Variants in GML observed in about 807,000 individuals in gnomAD.
GML encodes the protein glycosyl-phosphatidylinositol-anchored molecule-like protein.
GML carries 5 observed loss-of-function variants against 8.2 expected under a neutral mutation model. The observed-to-expected ratio is 0.61, with a 90% CI of 0.32 to 1.28. The LOEUF (loss-of-function observed/expected upper bound fraction) is 1.28, where lower values mean the gene tolerates loss of function less well. GML is among the 50% of genes most tolerant of loss of function. The pLI, the probability that GML is intolerant of heterozygous loss-of-function variation, is 0.06. For missense variants in GML, 191 were observed against 198.3 expected, an observed-to-expected ratio of 0.96 and a Z score of 0.22; for synonymous variants, 72 against 69.0, an observed-to-expected ratio of 1.04 and a Z score of -0.22.
At chr8:142,840,751 C>G (rs1269940500) in intron 2 of GML, among the ~76,000 whole-genome samples, 3 of 152,164 alleles carry the variant, frequency 2.0e-5, no homozygotes, top group Non-Finnish European at 4.4e-5. Flanking sequence ...CCTTCTCCAT[C>G]AGCGCCAGGC....
At chr8:142,841,465 C>T (rs529771872) in intron 3 of GML, among the ~76,000 whole-genome samples, 2 of 152,304 alleles carry the variant, frequency 1.3e-5, no homozygotes, top group South Asian at 2.1e-4. Context: ...ACATCTGCAG[C>T]GTCTCCAGGG....
chr8:142,841,872 C>T (rs1253049896), intron 3 of GML, among the ~76,000 whole-genome samples: 1 of 152,218 alleles, frequency 6.6e-6, no homozygotes, highest in African/African-American at 2.4e-5. Context: ...GGGCTCTGCT[C>T]AGGGCCTTTC....
chr8:142,844,211 C>A (rs193159439), intron 3 of GML, among the ~76,000 whole-genome samples: 34 of 152,300 alleles, frequency 2.2e-4, no homozygotes, highest in Non-Finnish European at 4.6e-4. Context: ...GTTGACCCTG[C>A]AGTGCAGTAG....
chr8:142,836,448 T>C (rs1017464537), intron 1 of GML, among the ~76,000 whole-genome samples: 1 of 152,236 alleles, frequency 6.6e-6, no homozygotes, highest in Non-Finnish European at 1.5e-5. Context: ...TTTTCATCTT[T>C]AAAAAATCAA....
intron 3 of GML, among the ~76,000 whole-genome samples, chr8:142,845,684 G>A (rs1816494571): frequency 6.6e-6 from 1 of 152,194 alleles, no homozygotes; most frequent in East Asian, 1.9e-4. Context: ...TGGTCAGGTG[G>A]CATTGGTCAG....
intron 1 of GML, among the ~76,000 whole-genome samples, chr8:142,836,148 A>G (rs1025710403): frequency 6.6e-6 from 1 of 152,066 alleles, no homozygotes; most frequent in Non-Finnish European, 1.5e-5. Flanking sequence ...GGTCTTGGAA[A>G]CCCTTGATTT....
chr8:142,836,797 G>T (rs925683678), intron 1 of GML, among the ~76,000 whole-genome samples: 1 of 152,158 alleles, frequency 6.6e-6, no homozygotes, highest in African/African-American at 2.4e-5. Flanking sequence ...GGCTGCCTCT[G>T]GAGCCGGCCC....
At chr8:142,836,409 C>T (rs1375686554) in intron 1 of GML, among the ~76,000 whole-genome samples, 1 of 152,216 alleles carries the variant, frequency 6.6e-6, no homozygotes, top group African/African-American at 2.4e-5. Flanking sequence ...TTATTTCTGC[C>T]TCTTACACAT....
In GML at chr8:142,846,633, G is replaced by T; in HGVS notation, c.420G>T (p.Gly140=). 1.2e-6 allele frequency: 2 copies of T among 1,613,996 alleles called. No homozygotes were observed. Among genetic ancestry groups the T allele is most frequent in the Non-Finnish European group, 1.7e-6 (2 of 1,179,934 alleles). ...TTCCAGAAGGAACTGTGAGGCTGGGGGTATCAAAACTGTTGCTGAGTTTTG... is the reference window on the plus strand; with the variant it reads ...TTCCAGAAGGAACTGTGAGGCTGGGTGTATCAAAACTGTTGCTGAGTTTTG... ...EELPEGTVRL[G]VSKLLLSFAS... is the part of the protein sequence containing the mutation. The change falls in exon 4 of 4, where the codon GGG becomes GGT. Residue 140 remains glycine (G), a synonymous_variant. Transcript: ENST00000220940.
intron 1 of GML, 53 bp from the exon 2 acceptor site, chr8:142,840,363 T>A: frequency 8.7e-7 from 1 of 1,147,568 alleles, no homozygotes; most frequent in Non-Finnish European, 1.3e-6. Context: ...GGCATAGAGC[T>A]GGCCAAGGAG....
rs1368815541 is a variant in GML at position 142,834,864 on chromosome 8, C to T, written c.-27C>T. 1 of 152,476 alleles carries T rather than the reference C, an allele frequency of 6.6e-6. No individual in the cohort carries two copies. The highest frequency in any genetic ancestry group is 1.5e-5 in the Non-Finnish European group (1 of 68,260). 9.4% of individuals were successfully genotyped at this position (152,476 alleles called of 1,614,324 possible). A position where few individuals can be genotyped will look rare whatever the true frequency, so the allele number is the denominator to read the frequency against. ...ACGCACACTGCGGGGCTCCGAGGGG[C>T]ACAGGTCAGTTTCCTGAGGCGGGTC... On this transcript the variant is annotated 5_prime_UTR_variant, in exon 1 of 4. Coordinates refer to ENST00000220940, the MANE Select transcript of GML (RefSeq NM_002066.3).
chr8:142,835,252 G>T (rs556648418), intron 1 of GML, among the ~76,000 whole-genome samples: 17 of 146,086 alleles, frequency 1.2e-4, no homozygotes, highest in Non-Finnish European at 1.9e-4. Context: ...GTCCCAGGGA[G>T]ATGCCAGCAC....
At chr8:142,840,876 C>A (rs1285210457) in intron 2 of GML, among the ~76,000 whole-genome samples, 4 of 152,182 alleles carry the variant, frequency 2.6e-5, no homozygotes, top group African/African-American at 9.7e-5. Flanking sequence ...ATGTGACCAC[C>A]AGTGGCGCTC....
At position 142,839,590 on chromosome 8, in the gene GML, C is replaced by T. The variant is rs377389794; in HGVS notation, c.-22-826C>T. Among the ~76,000 whole-genome samples, 4 of 152,196 alleles carry T rather than the reference C, an allele frequency of 2.6e-5. No individual in the cohort carries two copies. The East Asian group carries it at 5.8e-4, about 22-fold the overall frequency. On this transcript the variant is annotated intron_variant, in intron 1 of 3. Coordinates refer to ENST00000220940, the MANE Select transcript of GML (RefSeq NM_002066.3). The stretch of plus-strand genomic sequence containing the variant: ...CAGCAGCTGGGCCCAGGGAGTTGCC[C>T]CACTGAGCACTGCGGGCTGACCTGC...
intron 2 of GML, among the ~76,000 whole-genome samples, chr8:142,840,879 T>C (rs1816422005): frequency 6.6e-6 from 1 of 152,154 alleles, no homozygotes; most frequent in Non-Finnish European, 1.5e-5. Flanking sequence ...TGACCACCAG[T>C]GGCGCTCTCT....
chr8:142,837,262 C>A (rs1341174217), intron 1 of GML, among the ~76,000 whole-genome samples: 9 of 152,062 alleles, frequency 5.9e-5, no homozygotes, highest in Admixed American at 5.2e-4. Context: ...CCATTGCACT[C>A]CAACTCCAAC....
intron 1 of GML, among the ~76,000 whole-genome samples, chr8:142,836,391 A>G (rs904669736): frequency 2.0e-5 from 3 of 152,326 alleles, no homozygotes; most frequent in African/African-American, 7.2e-5. Context: ...AATTCATACT[A>G]TAGTCCCTTA....
At chr8:142,836,017 C>T (rs1022040703) in intron 1 of GML, among the ~76,000 whole-genome samples, 1 of 152,206 alleles carries the variant, frequency 6.6e-6, no homozygotes, top group African/African-American at 2.4e-5. Flanking sequence ...CTGTATTTGC[C>T]CCATGCATCT....
Position 142,837,390 on chromosome 8 carries a change from G to A in GML, c.-23+2522G>A, listed in dbSNP as rs185241877. 3.8e-3 allele frequency among the ~76,000 whole-genome samples: 575 copies of A among 152,124 alleles called. 3 individuals carry two copies. The highest frequency in any genetic ancestry group is 0.013 in the African/African-American group (549 of 41,502). On this transcript the variant is annotated intron_variant, in intron 1 of 3. Coordinates refer to ENST00000220940, the MANE Select transcript of GML (RefSeq NM_002066.3). Reference sequence around the variant, plus strand: ...ATTGGCACTAGTAGGATTTTGGGGAGCTGGCAAGCTCTGGTTGATGAGTGA... The same window carrying A: ...ATTGGCACTAGTAGGATTTTGGGGAACTGGCAAGCTCTGGTTGATGAGTGA...
Sources: gnomAD v4.1 joint callset for allele counts (sites outside exome capture counted in the v4.1 genomes callset) on GRCh38, gnomAD v4.1.1 for gene constraint, MANE v1.5 for transcripts, NCBI Gene and HGNC (gene_info 2026-07-23, HGNC 2026-07-21) for gene names.